The following LUZP2 variants were observed in gnomAD, a reference collection of about 807,000 sequenced individuals.
LUZP2 encodes the protein leucine zipper protein 2.
Under a neutral mutation model 51.6 loss-of-function variants are expected in LUZP2, and 52 were observed. The ratio of observed to expected loss-of-function variants is 1.01; its 90% CI spans 0.81 to 1.27. The LOEUF (loss-of-function observed/expected upper bound fraction) is 1.27. Ranked by LOEUF, LUZP2 falls within the 50% of genes most tolerant of loss-of-function variation. LUZP2 has a pLI of 0.00. For synonymous variants in LUZP2, 154 were observed against 137.3 expected (o/e 1.12, Z -0.85); for missense variants, 436 against 395.4 (o/e 1.10, Z -0.87).
intron 10 of LUZP2, among the ~76,000 whole-genome samples, chr11:25,051,209 C>G (rs1216578292): frequency 6.6e-6 from 1 of 151,932 alleles, no homozygotes. Context: ...CCCAACTACT[C>G]GGGAGGCTGA....
At chr11:24,789,908 T>A (rs1056809192) in intron 5 of LUZP2, among the ~76,000 whole-genome samples, 1 of 152,192 alleles carries the variant, frequency 6.6e-6, no homozygotes, top group Non-Finnish European at 1.5e-5. Flanking sequence ...GGTTAGAATT[T>A]CAACATATAA....
At chr11:24,645,404 T>C (rs1422744630) in intron 1 of LUZP2, among the ~76,000 whole-genome samples, 1 of 152,170 alleles carries the variant, frequency 6.6e-6, no homozygotes, top group Admixed American at 6.6e-5. Context: ...TATATGGTAT[T>C]GAACATGCAG....
chr11:25,037,418 CTG>C lies in LUZP2; in HGVS notation c.766-12618_766-12617del, dbSNP rs770011433. On this transcript the variant is annotated intron_variant, in intron 9 of 11. Transcript: ENST00000336930. ...TTGTCTTTTTATCTAACCTGACACTCTGTATCTTTTAAATCAAATGTTTAGCC... is the reference window on the plus strand; with the variant it reads ...TTGTCTTTTTATCTAACCTGACACTCTATCTTTTAAATCAAATGTTTAGCC... Among the ~76,000 whole-genome samples, 3 of 152,202 alleles carry C rather than the reference CTG, an allele frequency of 2.0e-5. No homozygotes were observed. In the South Asian group the frequency reaches 6.2e-4, roughly 32 times the overall value.
At chr11:24,788,065 A>G (rs1368237020) in intron 5 of LUZP2, among the ~76,000 whole-genome samples, 1 of 152,056 alleles carries the variant, frequency 6.6e-6, no homozygotes, top group Admixed American at 6.6e-5. Context: ...ACTTAAATTC[A>G]TTATCAGTAA....
chr11:25,005,016 A>G lies in LUZP2; in HGVS notation c.765+21723A>G, dbSNP rs528478894. On this transcript the variant is annotated intron_variant, in intron 9 of 11. Transcript: ENST00000336930. ...TTGCTCTAGACTCTGTAGGACATCT[A>G]TGTACCTATCAGGATCATCTGAAAA... Among the ~76,000 whole-genome samples, 237 of 152,296 alleles carry G rather than the reference A, an allele frequency of 1.6e-3. 2 individuals carry two copies. The highest frequency in any genetic ancestry group is 6.8e-3 in the Middle Eastern group (2 of 294).
chr11:25,020,898 GA>G (rs1294841238), intron 9 of LUZP2, among the ~76,000 whole-genome samples: 1 of 151,946 alleles, frequency 6.6e-6, no homozygotes, highest in Non-Finnish European at 1.5e-5. Flanking sequence ...TATTAAATTA[GA>G]AATGCTACAA....
chr11:24,746,230 C>T (rs1180699469), intron 4 of LUZP2, among the ~76,000 whole-genome samples: 2 of 152,040 alleles, frequency 1.3e-5, no homozygotes, highest in Non-Finnish European at 2.9e-5. Flanking sequence ...TTTAGCAGTT[C>T]TTGTAGTGGT....
intron 9 of LUZP2, among the ~76,000 whole-genome samples, chr11:25,018,620 TTTTTTTA>T (rs66839828): frequency 0.54 from 75,215 of 138,904 alleles, 20,934 homozygotes; most frequent in African/African-American, 0.72. Context: ...TTTTTTTTTT[TTTTTTTA>T]AAGACACTCT....
chr11:24,737,777 C>A (rs1454589511), intron 3 of LUZP2, among the ~76,000 whole-genome samples: 1 of 151,970 alleles, frequency 6.6e-6, no homozygotes, highest in Non-Finnish European at 1.5e-5. Flanking sequence ...GTATAAAGCA[C>A]AATGCTTTAG....
intron 1 of LUZP2, among the ~76,000 whole-genome samples, chr11:24,595,302 G>A (rs543346238): frequency 4.6e-5 from 7 of 151,932 alleles, no homozygotes; most frequent in African/African-American, 4.8e-5. Context: ...TTACAGATCC[G>A]GATACCCTCT....
At chr11:24,678,559 T>C (rs192013126) in intron 1 of LUZP2, among the ~76,000 whole-genome samples, 2 of 152,068 alleles carry the variant, frequency 1.3e-5, no homozygotes, top group African/African-American at 4.8e-5. Flanking sequence ...ACTGAGATTG[T>C]GTCTTGTGTT....
intron 1 of LUZP2, among the ~76,000 whole-genome samples, chr11:24,561,985 A>G (rs1012349115): frequency 6.6e-6 from 1 of 152,152 alleles, no homozygotes; most frequent in African/African-American, 2.4e-5. Flanking sequence ...GATGTTTTTT[A>G]TATGAAACAA....
chr11:24,640,673 C>T (rs1027590638), intron 1 of LUZP2, among the ~76,000 whole-genome samples: 6 of 151,712 alleles, frequency 4.0e-5, no homozygotes, highest in Non-Finnish European at 8.8e-5. Flanking sequence ...GGTAGGATTG[C>T]CAGCTCATAT....
At chr11:24,984,653 C>A (rs542377211) in intron 9 of LUZP2, among the ~76,000 whole-genome samples, 132 of 149,876 alleles carry the variant, frequency 8.8e-4, no homozygotes, top group African/African-American at 3.0e-3. Flanking sequence ...GTACCCCCAC[C>A]ATTTAAATTT....
intron 5 of LUZP2, among the ~76,000 whole-genome samples, chr11:24,824,267 G>A (rs1850453267): frequency 1.3e-5 from 2 of 148,718 alleles, no homozygotes; most frequent in African/African-American, 5.0e-5. Context: ...TCAGGAGGCT[G>A]AGGCAGGAGA....
intron 1 of LUZP2, among the ~76,000 whole-genome samples, chr11:24,693,825 A>C (rs1352454606): frequency 6.6e-6 from 1 of 152,052 alleles, no homozygotes; most frequent in African/African-American, 2.4e-5. Context: ...AGAGGTGTAC[A>C]GATGGAGAAG....
At chr11:24,862,915 A>AT (rs1353586971) in intron 5 of LUZP2, among the ~76,000 whole-genome samples, 6 of 152,180 alleles carry the variant, frequency 3.9e-5, no homozygotes, top group East Asian at 1.9e-4. Flanking sequence ...TTCAAATAAG[A>AT]TTTTTTTAAG....
intron 5 of LUZP2, among the ~76,000 whole-genome samples, chr11:24,880,085 A>C (rs1291487035): frequency 6.6e-6 from 1 of 152,088 alleles, no homozygotes; most frequent in Non-Finnish European, 1.5e-5. Context: ...TAGAGCCCCA[A>C]AGCACTTTAG....
At chr11:24,996,984 T>C (rs1011292355) in intron 9 of LUZP2, among the ~76,000 whole-genome samples, 4 of 150,704 alleles carry the variant, frequency 2.7e-5, no homozygotes, top group African/African-American at 9.8e-5. Context: ...TTCCATGGTG[T>C]ATATGTGCCA....
Sources: allele counts gnomAD v4.1 joint callset (sites outside exome capture counted in the v4.1 genomes callset), GRCh38; gene constraint gnomAD v4.1.1; transcripts MANE v1.5; gene names NCBI Gene and HGNC (gene_info 2026-07-23, HGNC 2026-07-21).